The following PDE11A variants were observed in gnomAD, a reference collection of about 807,000 sequenced individuals.
PDE11A encodes the protein phosphodiesterase 11A.
PDE11A carries 100 observed loss-of-function variants against 100.5 expected under a neutral mutation model. The ratio of observed to expected loss-of-function variants is 1.00; its 90% CI spans 0.85 to 1.18. PDE11A has a LOEUF of 1.18. PDE11A is among the 50% of genes most tolerant of loss of function. PDE11A has a pLI of 0.00. For missense variants in PDE11A, 1,141 were observed against 1,152.6 expected, an observed-to-expected ratio of 0.99 and a Z score of 0.15; for synonymous variants, 381 against 420.8, an observed-to-expected ratio of 0.91 and a Z score of 1.16.
At chr2:178,040,061 C>CTTTT (rs5836641) in intron 1 of PDE11A, among the ~76,000 whole-genome samples, 49 of 109,706 alleles carry the variant, frequency 4.5e-4, no homozygotes, top group African/African-American at 1.1e-3. Context: ...AATGTAGTGG[C>CTTTT]TTTTTTTTTT....
chr2:177,764,830 A>G (rs2105495294), intron 10 of PDE11A, among the ~76,000 whole-genome samples: 1 of 152,340 alleles, frequency 6.6e-6, no homozygotes, highest in East Asian at 1.9e-4. Context: ...CAACCCATAA[A>G]GGATAATTTA....
intron 2 of PDE11A, among the ~76,000 whole-genome samples, chr2:178,084,983 C>T (rs1348362603): frequency 6.6e-6 from 1 of 152,194 alleles, no homozygotes; most frequent in Non-Finnish European, 1.5e-5. Context: ...GGCTCTTGGA[C>T]TTTCCTTATG....
intron 19 of PDE11A, among the ~76,000 whole-genome samples, chr2:177,634,681 C>T (rs1239990109): frequency 6.6e-6 from 1 of 152,176 alleles, no homozygotes; most frequent in Non-Finnish European, 1.5e-5. Flanking sequence ...AGCCACCGCG[C>T]CCGGCCGACT....
intron 2 of PDE11A, among the ~76,000 whole-genome samples, chr2:178,004,053 A>G (rs189749133): frequency 2.8e-4 from 43 of 152,326 alleles, no homozygotes; most frequent in African/African-American, 1.0e-3. Flanking sequence ...TATTTAAAGC[A>G]TGATAAAATA....
intron 10 of PDE11A, among the ~76,000 whole-genome samples, chr2:177,746,758 C>T (rs995529490): frequency 1.3e-5 from 2 of 152,140 alleles, no homozygotes; most frequent in East Asian, 3.8e-4. Context: ...GGCAGAGCTT[C>T]TAACCATACA....
chr2:178,099,809 C>A (rs1191356710), intron 2 of PDE11A, among the ~76,000 whole-genome samples: 1 of 152,158 alleles, frequency 6.6e-6, no homozygotes, highest in African/African-American at 2.4e-5. Flanking sequence ...TATTTGTACA[C>A]CCATGTGCAT....
chr2:177,773,794 C>T (rs1026200890), intron 9 of PDE11A, among the ~76,000 whole-genome samples: 3 of 152,160 alleles, frequency 2.0e-5, no homozygotes, highest in Non-Finnish European at 4.4e-5. Flanking sequence ...GAGGAATCAT[C>T]GGCTAATAGG....
chr2:177,728,280 C>T lies in PDE11A; in HGVS notation c.1789-108G>A. 6 of 897,890 alleles carry T rather than the reference C, an allele frequency of 6.7e-6. No homozygotes were observed. In the South Asian group the frequency reaches 8.0e-5, roughly 12 times the overall value. The allele number at this position is 897,890 out of a possible 1,614,324, so 55.6% of individuals were successfully genotyped here. On this transcript the variant is annotated intron_variant, in intron 10 of 19. Coordinates refer to ENST00000286063, the MANE Select transcript of PDE11A (RefSeq NM_016953.4). Reference sequence around the variant, plus strand: ...AAGTGCCACATAAATCAGGCCTGACCTGCACTTACACCCTGATACAGCTAA... The same window carrying T: ...AAGTGCCACATAAATCAGGCCTGACTTGCACTTACACCCTGATACAGCTAA...
chr2:177,825,543 A>G (rs1215673662), intron 6 of PDE11A, among the ~76,000 whole-genome samples: 2 of 152,240 alleles, frequency 1.3e-5, no homozygotes, highest in African/African-American at 4.8e-5. Context: ...ATGTAACCAT[A>G]TGAAAAGGCA....
At chr2:178,040,187 C>T (rs967303008) in intron 1 of PDE11A, among the ~76,000 whole-genome samples, 1 of 151,380 alleles carries the variant, frequency 6.6e-6, no homozygotes. Context: ...GCCTCAGCCT[C>T]CTGAGTAGCT....
At chr2:177,844,684 G>A (rs997769867) in intron 5 of PDE11A, among the ~76,000 whole-genome samples, 3 of 151,442 alleles carry the variant, frequency 2.0e-5, no homozygotes, top group East Asian at 1.9e-4. Flanking sequence ...AGGACCCTGC[G>A]GCCTTCCGCA....
chr2:177,701,428 GCT>G (rs1381463700), intron 13 of PDE11A, among the ~76,000 whole-genome samples: 7 of 152,050 alleles, frequency 4.6e-5, no homozygotes, highest in Admixed American at 3.3e-4. Flanking sequence ...TATGTATTAG[GCT>G]AGATGCTGCA....
intron 2 of PDE11A, among the ~76,000 whole-genome samples, chr2:177,925,577 T>A (rs1198980180): frequency 1.3e-5 from 2 of 152,168 alleles, no homozygotes; most frequent in Admixed American, 6.5e-5. Flanking sequence ...CATGGGGTTG[T>A]TTGTTTTTTT....
At chr2:177,922,244 G>C (rs541850734) in intron 2 of PDE11A, among the ~76,000 whole-genome samples, 1 of 151,996 alleles carries the variant, frequency 6.6e-6, no homozygotes, top group Non-Finnish European at 1.5e-5. Context: ...AGATCTGTGT[G>C]TATCCAACAG....
At chr2:177,895,831 T>C (rs562840861) in intron 4 of PDE11A, among the ~76,000 whole-genome samples, 12 of 152,176 alleles carry the variant, frequency 7.9e-5, no homozygotes, top group Non-Finnish European at 1.3e-4. Flanking sequence ...ATTATACATA[T>C]ACATTACAAA....
At chr2:177,712,049 G>C (rs534081707) in intron 12 of PDE11A, among the ~76,000 whole-genome samples, 171 bp from the exon 13 acceptor site, 2 of 152,180 alleles carry the variant, frequency 1.3e-5, no homozygotes, top group Admixed American at 6.5e-5. Flanking sequence ...ACAGCCTAAG[G>C]TCCCCACAGT....
In PDE11A at chr2:178,072,495, A is replaced by AACAT; in HGVS notation, c.-59_-58insATGT. ...GTGAACCAAATGTTTTCCTGCCCCG[A>AACAT]GGCCTCTAGCTGTTCCTGCACATGT... On this transcript the variant is annotated 5_prime_UTR_variant, in exon 1 of 20. The change creates a new upstream start codon in the 5' untranslated region. Transcript: ENST00000286063. 1 of 1,604,918 alleles carries AACAT rather than the reference A, an allele frequency of 6.2e-7. No individual in the cohort carries two copies. Among genetic ancestry groups the AACAT allele is most frequent in the East Asian group, 2.2e-5 (1 of 44,748 alleles).
intron 2 of PDE11A, among the ~76,000 whole-genome samples, chr2:177,923,197 T>C (rs993221139): frequency 4.0e-5 from 6 of 151,836 alleles, no homozygotes; most frequent in African/African-American, 1.4e-4. Context: ...TTTTAAAAAA[T>C]ACAGGGTCTT....
upstream of PDE11A, among the ~76,000 whole-genome samples, chr2:178,075,029 CAG>C (rs1174426708): frequency 6.6e-6 from 1 of 152,102 alleles, no homozygotes; most frequent in African/African-American, 2.4e-5. Flanking sequence ...CAACAGGAAA[CAG>C]AGCACACTCA....
Sources: gnomAD v4.1 joint callset for allele counts (sites outside exome capture counted in the v4.1 genomes callset) on GRCh38, gnomAD v4.1.1 for gene constraint, MANE v1.5 for transcripts, NCBI Gene and HGNC (gene_info 2026-07-23, HGNC 2026-07-21) for gene names.